TFRC: variants seen among roughly 807,000 people sequenced by gnomAD.
The protein encoded by TFRC is transferrin receptor, also known as transferrin receptor protein 1.
In TFRC, 35 loss-of-function variants were observed where a neutral mutation model predicts 85.8. That is an observed-to-expected ratio of 0.41 (90% confidence interval 0.31 to 0.54). The LOEUF (loss-of-function observed/expected upper bound fraction) is 0.54, where lower values mean the gene tolerates loss of function less well. Ranked by LOEUF, TFRC falls within the 20% of genes least tolerant of loss-of-function variation. The probability of loss-of-function intolerance (pLI) is 0.31; values close to 1 mark genes in which losing one functional copy is unlikely to be tolerated. For synonymous variants in TFRC, 362 were observed against 328.6 expected (o/e 1.10, Z -1.10); for missense variants, 828 against 921.5 (o/e 0.90, Z 1.31).
At chr3:196,065,410 A>G (rs1235321094) in intron 10 of TFRC, 33 bp downstream of exon 10, 11 of 850,074 alleles carry the variant, frequency 1.3e-5, no homozygotes, top group Non-Finnish European at 1.6e-5. Flanking sequence ...ACAAAAAAAA[A>G]GCGGGGCGGG....
chr3:196,071,649 T>A, intron 5 of TFRC, 151 bp from the exon 6 acceptor site: 1 of 870,806 alleles, frequency 1.1e-6, no homozygotes, highest in Non-Finnish European at 1.7e-6. Context: ...TTGGGCCGCA[T>A]GCGGTGGCTC....
At chr3:196,074,784 C>T (rs1718515114) in intron 3 of TFRC, among the ~76,000 whole-genome samples, 1 of 150,042 alleles carries the variant, frequency 6.7e-6, no homozygotes, top group East Asian at 2.0e-4. Flanking sequence ...GAGGCTGAGG[C>T]AGAAGAATCG....
chr3:196,060,245 T>C lies in TFRC; in HGVS notation c.1471A>G (p.Thr491Ala), dbSNP rs1184256460. ...CTGGCAGAAACCTTGAAGTTGCTGG[T>C]ACCTGAAAATAAATTGTTTTATCAT... is the stretch of plus-strand genomic sequence containing the variant. ...YINLDKAVLG[T>A]SNFKVSASPL... Residue 491 changes from threonine (T) to alanine (A), a missense_variant and splice_region_variant, in exon 14 of 19, where the codon ACC (threonine) becomes GCC (alanine). By Grantham distance (58) the Thr-to-Ala change is moderately conservative (BLOSUM62 0). Transcript: ENST00000360110. The C allele has an allele frequency of 1.9e-6, 3 of 1,613,772 alleles. No individual in the cohort carries two copies. Among genetic ancestry groups the C allele is most frequent in the Non-Finnish European group, 2.5e-6 (3 of 1,179,838 alleles).
Position 196,076,918 on chromosome 3 carries a change from T to C in TFRC, c.36+146A>G, listed in dbSNP as rs897288909. The C allele has an allele frequency of 1.9e-5, 13 of 694,068 alleles. No homozygotes were observed. In the Admixed American group the frequency reaches 2.4e-4, roughly 13 times the overall value. The allele number at this position is 694,068 out of a possible 1,614,324, so 43.0% of individuals were successfully genotyped here. On this transcript the variant is annotated intron_variant, in intron 2 of 18. Transcript: ENST00000360110. ...ACTGAAGGCTGAACTCTTTGTGAGA[T>C]CAGTTATGCCTCAAGACTACCAATT...
In TFRC at chr3:196,051,399, G is replaced by A. The variant is rs1463672326; in HGVS notation, c.*543C>T. On this transcript the variant is annotated 3_prime_UTR_variant, in exon 19 of 19. Transcript: ENST00000360110. ...ATCCAGCAGAAGGACCTCCATTTCAGACCTCATTGGCAAGAAAACAAGCCC... is the reference window on the plus strand; with the variant it reads ...ATCCAGCAGAAGGACCTCCATTTCAAACCTCATTGGCAAGAAAACAAGCCC... 4.6e-6 allele frequency: 1 copy of A among 218,524 alleles called. No homozygotes were observed. Among genetic ancestry groups the A allele is most frequent in the Admixed American group, 5.8e-5 (1 of 17,266 alleles). 13.5% of individuals were successfully genotyped at this position (218,524 alleles called of 1,614,324 possible).
In TFRC at chr3:196,069,710, T is replaced by C. The variant is rs1351295758; in HGVS notation, c.688-142A>G. 2.7e-5 allele frequency: 15 copies of C among 548,986 alleles called. No homozygotes were observed. In the East Asian group the frequency reaches 4.3e-4, roughly 16 times the overall value. 34.0% of individuals were successfully genotyped at this position (548,986 alleles called of 1,614,324 possible). On this transcript the variant is annotated intron_variant, in intron 6 of 18. Transcript: ENST00000360110. Reference sequence around the variant, plus strand: ...AGGAGGCCAAGGCCTAAAAAAGACATGAGTTCTAAAAAACTTTACAACTTT... The same window carrying C: ...AGGAGGCCAAGGCCTAAAAAAGACACGAGTTCTAAAAAACTTTACAACTTT...
chr3:196,062,711 G>C (rs1209158909), intron 12 of TFRC, 66 bp from the exon 13 acceptor site: 1 of 1,556,400 alleles, frequency 6.4e-7, no homozygotes, highest in Non-Finnish European at 8.8e-7. Flanking sequence ...GTAGCATTAG[G>C]GATTCATTTT....
At chr3:196,071,929 A>G (rs936829835) in intron 5 of TFRC, 74 bp downstream of exon 5, 6 of 1,528,028 alleles carry the variant, frequency 3.9e-6, no homozygotes, top group Non-Finnish European at 5.3e-6. Context: ...ACACTAACAA[A>G]AAGTCTTTGC....
At chr3:196,069,754 A>G in intron 6 of TFRC, 186 bp from the exon 7 acceptor site, 1 of 484,120 alleles carries the variant, frequency 2.1e-6, no homozygotes, top group Non-Finnish European at 3.7e-6. Context: ...AGCTATTGGA[A>G]TAAAATCAAG....
chr3:196,061,801 T>G (rs1717306825), intron 13 of TFRC, among the ~76,000 whole-genome samples: 1 of 152,128 alleles, frequency 6.6e-6, no homozygotes, highest in Non-Finnish European at 1.5e-5. Flanking sequence ...AAAAGCCCAG[T>G]TTTTAGACCA....
intron 3 of TFRC, chr3:196,074,343 T>C: frequency 2.6e-6 from 1 of 385,546 alleles, no homozygotes; most frequent in Non-Finnish European, 4.6e-6. Flanking sequence ...AAAACATAGG[T>C]AGTTTTTTCC....
chr3:196,057,398 G>C (rs1415647216), intron 16 of TFRC, among the ~76,000 whole-genome samples: 1 of 152,044 alleles, frequency 6.6e-6, no homozygotes, highest in Admixed American at 6.6e-5. Flanking sequence ...TTAGTTGTAA[G>C]CCCTTAAAAA....
intron 14 of TFRC, 81 bp downstream of exon 14, chr3:196,060,099 G>T: frequency 9.0e-7 from 1 of 1,114,904 alleles, no homozygotes; most frequent in Non-Finnish European, 1.3e-6. Context: ...ACTGACTACG[G>T]TTTACATATC....
In TFRC at chr3:196,080,852, A is replaced by G. The variant is rs957254878; in HGVS notation, c.-24+1191T>C. On this transcript the variant is annotated intron_variant, in intron 1 of 18. Transcript: ENST00000360110. ...AAATTCAGGGCCGGGGGGCGGGGGG[A>G]ACCAGCAGGGTCCACAAGTACTCTA... is the stretch of plus-strand genomic sequence containing the variant. Among the ~76,000 whole-genome samples the G allele has an allele frequency of 3.3e-5, 5 of 152,074 alleles. 1 individual carries two copies. Among genetic ancestry groups the G allele is most frequent in the African/African-American group, 9.6e-5 (4 of 41,476 alleles).
intron 2 of TFRC, 151 bp downstream of exon 2, chr3:196,076,913 T>G: frequency 1.5e-6 from 1 of 676,302 alleles, no homozygotes; most frequent in Non-Finnish European, 2.5e-6. Flanking sequence ...GAACTCTTTG[T>G]GAGATCAGTT....
intron 9 of TFRC, among the ~76,000 whole-genome samples, chr3:196,067,169 C>G (rs1393615524): frequency 1.3e-5 from 2 of 152,170 alleles, no homozygotes; most frequent in African/African-American, 2.4e-5. Flanking sequence ...GGATTTTATC[C>G]CAATATGAAT....
At chr3:196,080,524 C>G (rs999468306) in intron 1 of TFRC, among the ~76,000 whole-genome samples, 2 of 152,226 alleles carry the variant, frequency 1.3e-5, no homozygotes, top group Non-Finnish European at 2.9e-5. Flanking sequence ...CAGGCGGGAG[C>G]CAATGCGCCC....
intron 10 of TFRC, among the ~76,000 whole-genome samples, chr3:196,065,096 C>T (rs1717602581): frequency 6.6e-6 from 1 of 152,000 alleles, no homozygotes; most frequent in Non-Finnish European, 1.5e-5. Context: ...AACCCTGTCT[C>T]TACTAAAAAT....
rs1034930303 is a variant in TFRC at position 196,050,499 on chromosome 3, C to T, written c.*1443G>A. The T allele has an allele frequency of 2.8e-4, 58 of 204,600 alleles. No individual in the cohort carries two copies. The highest frequency in any genetic ancestry group is 9.0e-5 in the Non-Finnish European group (9 of 99,552). The allele number at this position is 204,600 out of a possible 1,614,324, so 12.7% of individuals were successfully genotyped here. A position where few individuals can be genotyped will look rare whatever the true frequency, so the allele number is the denominator to read the frequency against. On this transcript the variant is annotated 3_prime_UTR_variant, in exon 19 of 19. Transcript: ENST00000360110. ...ACACTGTTCCCGATAATTACTTACA[C>T]CCTTAGTGTAACATATGGAGATCAC...
Sources: allele counts gnomAD v4.1 joint callset (sites outside exome capture counted in the v4.1 genomes callset), GRCh38; gene constraint gnomAD v4.1.1; transcripts MANE v1.5; gene names NCBI Gene and HGNC (gene_info 2026-07-23, HGNC 2026-07-21).